ROBO2: variants seen among roughly 807,000 people sequenced by gnomAD.
ROBO2 encodes the protein roundabout guidance receptor 2, also known as roundabout homolog 2.
Under a neutral mutation model 160.8 loss-of-function variants are expected in ROBO2, and 53 were observed. That is an observed-to-expected ratio of 0.33 (90% CI 0.26 to 0.41). The LOEUF is 0.41. ROBO2 is among the 10% of genes least tolerant of loss of function. The probability of loss-of-function intolerance (pLI) is 1.00; values close to 1 mark genes in which losing one functional copy is unlikely to be tolerated. For synonymous variants in ROBO2, 664 were observed against 611.7 expected (o/e 1.09, Z -1.26); for missense variants, 1,577 against 1,722.4 (o/e 0.92, Z 1.49).
intron 5 of ROBO2, among the ~76,000 whole-genome samples, chr3:77,500,127 T>A (rs935174091): frequency 6.6e-6 from 1 of 152,212 alleles, no homozygotes; most frequent in Admixed American, 6.5e-5. Flanking sequence ...TTTGTTTGTC[T>A]GTGAGTAATA....
chr3:77,013,179 T>C (rs1048142608), intron 2 of ROBO2, among the ~76,000 whole-genome samples: 6 of 152,136 alleles, frequency 3.9e-5, no homozygotes, highest in Admixed American at 6.6e-5. Flanking sequence ...AGGCATCATA[T>C]CCTTAATCTA....
chr3:77,265,796 T>C (rs932411847), intron 2 of ROBO2, among the ~76,000 whole-genome samples: 1 of 152,180 alleles, frequency 6.6e-6, no homozygotes, highest in Non-Finnish European at 1.5e-5. Context: ...CACATCTGTT[T>C]CTCATACTAA....
intron 1 of ROBO2, among the ~76,000 whole-genome samples, chr3:77,085,187 G>A (rs1029049055): frequency 1.3e-5 from 2 of 152,086 alleles, no homozygotes; most frequent in African/African-American, 2.4e-5. Flanking sequence ...TACTACAGTT[G>A]TCACATCAAA....
intron 2 of ROBO2, among the ~76,000 whole-genome samples, chr3:75,994,043 A>G (rs2065654275): frequency 6.6e-6 from 1 of 152,178 alleles, no homozygotes; most frequent in Non-Finnish European, 1.5e-5. Context: ...AAATATTAAG[A>G]GTATAAAGAA....
At chr3:75,931,728 G>A (rs1947549759) in intron 1 of ROBO2, among the ~76,000 whole-genome samples, 1 of 151,994 alleles carries the variant, frequency 6.6e-6, no homozygotes, top group Non-Finnish European at 1.5e-5. Context: ...TCTGTCTGAT[G>A]TTCCCCCCAA....
chr3:76,814,331 A>C (rs969142386), intron 2 of ROBO2, among the ~76,000 whole-genome samples: 3 of 152,138 alleles, frequency 2.0e-5, no homozygotes, highest in Admixed American at 2.0e-4. Context: ...ATGAGGTTCA[A>C]CTGAAACTAA....
intron 1 of ROBO2, among the ~76,000 whole-genome samples, chr3:75,908,488 G>T (rs1946441521): frequency 6.6e-6 from 1 of 151,778 alleles, no homozygotes; most frequent in Non-Finnish European, 1.5e-5. Flanking sequence ...ACTTTATCTA[G>T]ATTTCTGTAA....
intron 2 of ROBO2, among the ~76,000 whole-genome samples, chr3:76,466,725 G>T (rs368377948): frequency 1.3e-5 from 2 of 151,870 alleles, no homozygotes; most frequent in Non-Finnish European, 2.9e-5. Flanking sequence ...AGATACATAG[G>T]TTATATTGCC....
chr3:76,111,378 A>ATT (rs2070222916), intron 2 of ROBO2, among the ~76,000 whole-genome samples: 1 of 152,156 alleles, frequency 6.6e-6, no homozygotes, highest in African/African-American at 2.4e-5. Context: ...CCTTGTTGAT[A>ATT]CAATGATATT....
intron 2 of ROBO2, among the ~76,000 whole-genome samples, chr3:76,119,844 TTCTC>T (rs150288728): frequency 4.7e-5 from 7 of 147,972 alleles, no homozygotes; most frequent in African/African-American, 1.2e-4. Flanking sequence ...TTGCTTTCCT[TTCTC>T]TCTCTCTCTC....
intron 2 of ROBO2, among the ~76,000 whole-genome samples, chr3:77,149,117 C>A (rs2077353478): frequency 6.7e-6 from 1 of 150,038 alleles, no homozygotes; most frequent in Non-Finnish European, 1.5e-5. Flanking sequence ...CTCACTGCAA[C>A]CTCTGCCCCC....
At chr3:77,196,927 A>G (rs1054629810) in intron 2 of ROBO2, among the ~76,000 whole-genome samples, 6 of 152,022 alleles carry the variant, frequency 3.9e-5, no homozygotes, top group African/African-American at 1.4e-4. Flanking sequence ...TATGAGAACA[A>G]TTTGGCTTAA....
intron 2 of ROBO2, among the ~76,000 whole-genome samples, chr3:76,554,308 C>T (rs1049578980): frequency 2.6e-4 from 39 of 152,092 alleles, no homozygotes; most frequent in Admixed American, 2.5e-3. Context: ...AGGGAGAACA[C>T]TGTTAACAGT....
At chr3:76,099,222 C>T (rs2069581822) in intron 2 of ROBO2, among the ~76,000 whole-genome samples, 1 of 152,068 alleles carries the variant, frequency 6.6e-6, no homozygotes. Context: ...TTCTATCTCT[C>T]TCAGTGGGAT....
chr3:76,848,509 C>G (rs1457970902), intron 2 of ROBO2, among the ~76,000 whole-genome samples: 1 of 152,194 alleles, frequency 6.6e-6, no homozygotes, highest in Non-Finnish European at 1.5e-5. Context: ...ACCTCTGGAT[C>G]TCTCTCTGTC....
intron 2 of ROBO2, among the ~76,000 whole-genome samples, chr3:76,467,897 A>G (rs1488195167): frequency 6.6e-6 from 1 of 152,180 alleles, no homozygotes; most frequent in Admixed American, 6.6e-5. Context: ...TTGAGCATTC[A>G]GTGGCAATAT....
At chr3:76,031,505 T>C (rs2066918361) in intron 2 of ROBO2, among the ~76,000 whole-genome samples, 2 of 152,174 alleles carry the variant, frequency 1.3e-5, no homozygotes, top group South Asian at 4.1e-4. Flanking sequence ...GGGTTTGTCA[T>C]AAATAGCTCT....
In ROBO2 at chr3:76,985,627, A is replaced by T. The variant is rs185910922; in HGVS notation, c.110-112387A>T. ...AAAAGAAGATAATCTATTTTTGCAT[A>T]AAAAAACGGAGCAGTTCATTTCTCT... On this transcript the variant is annotated intron_variant, in intron 2 of 26. Transcript: ENST00000487694. Among the ~76,000 whole-genome samples, 900 of 148,830 alleles carry T rather than the reference A, an allele frequency of 6.0e-3. 11 individuals are homozygous for T. The highest frequency in any genetic ancestry group is 0.021 in the African/African-American group (808 of 39,204).
upstream of ROBO2, among the ~76,000 whole-genome samples, chr3:77,039,175 A>T (rs1445424832): frequency 6.6e-6 from 1 of 152,154 alleles, no homozygotes; most frequent in East Asian, 1.9e-4. Context: ...GAGGTTAGAG[A>T]ATTCTGCCCC....
Sources: allele counts gnomAD v4.1 joint callset (sites outside exome capture counted in the v4.1 genomes callset), GRCh38; gene constraint gnomAD v4.1.1; transcripts MANE v1.5; gene names NCBI Gene and HGNC (gene_info 2026-07-23, HGNC 2026-07-21).